Variants in TENM4 observed in about 807,000 individuals in gnomAD.
TENM4 encodes teneurin-4.
In TENM4, 82 loss-of-function variants were observed where a neutral mutation model predicts 243.3. The ratio of observed to expected loss-of-function variants is 0.34; its 90% CI spans 0.28 to 0.40. The LOEUF is 0.40. TENM4 is among the 10% of genes least tolerant of loss of function. The pLI is 1.00. For synonymous variants in TENM4, 1,412 were observed against 1,456.3 expected (o/e 0.97, Z 0.69); for missense variants, 3,138 against 3,673.3 (o/e 0.85, Z 3.77).
chr11:79,157,362 T>G (rs1420120551), intron 3 of TENM4, among the ~76,000 whole-genome samples: 2 of 152,184 alleles, frequency 1.3e-5, no homozygotes, highest in African/African-American at 2.4e-5. Flanking sequence ...TGCTGCAACG[T>G]GGAGTAAATC....
At chr11:78,837,460 T>G (rs1858143050) in intron 12 of TENM4, among the ~76,000 whole-genome samples, 1 of 152,226 alleles carries the variant, frequency 6.6e-6, no homozygotes, top group Admixed American at 6.5e-5. Context: ...GAAAACAAAC[T>G]AATACATTTT....
chr11:79,265,024 C>T (rs143765879), intron 2 of TENM4, among the ~76,000 whole-genome samples: 99 of 152,258 alleles, frequency 6.5e-4, no homozygotes, highest in South Asian at 6.0e-3. Context: ...TGCCTGTAGA[C>T]GAAGCATAAC....
chr11:78,767,138 G>A (rs531134528), intron 18 of TENM4, among the ~76,000 whole-genome samples: 4 of 152,296 alleles, frequency 2.6e-5, no homozygotes, highest in African/African-American at 9.6e-5. Flanking sequence ...ATCTACAATG[G>A]GCCATATGTC....
intron 29 of TENM4, among the ~76,000 whole-genome samples, chr11:78,677,136 T>C (rs1858498399): frequency 1.3e-5 from 2 of 152,228 alleles, no homozygotes; most frequent in Non-Finnish European, 2.9e-5. Flanking sequence ...TTATGCTATG[T>C]GAATTATACC....
chr11:79,310,363 CAGCCA>C (rs1856698730), intron 1 of TENM4, among the ~76,000 whole-genome samples: 1 of 152,144 alleles, frequency 6.6e-6, no homozygotes, highest in Non-Finnish European at 1.5e-5. Context: ...TACCAAAGGC[CAGCCA>C]AAACTCTGAT....
intron 3 of TENM4, among the ~76,000 whole-genome samples, chr11:79,212,726 C>A (rs1161541688): frequency 2.6e-5 from 4 of 152,140 alleles, no homozygotes; most frequent in Non-Finnish European, 5.9e-5. Flanking sequence ...CTGGAAACAT[C>A]CTTTTAAATC....
rs183711722 is a variant in TENM4, at chr11:79,380,764, G to A, written c.-321+59745C>T. 5.4e-4 allele frequency among the ~76,000 whole-genome samples: 82 copies of A among 152,248 alleles called. 2 individuals are homozygous for A. The East Asian group carries it at 0.012, about 23-fold the overall frequency. ...ATTTTGGGAAATGTTCATCAAATTC[G>A]TTTCATTCTTACGGAAAGGCAATAG... On this transcript the variant is annotated intron_variant, in intron 1 of 33. Transcript: ENST00000278550.
intron 6 of TENM4, among the ~76,000 whole-genome samples, chr11:78,998,834 AG>A (rs1372674646): frequency 1.3e-5 from 2 of 152,192 alleles, no homozygotes; most frequent in Non-Finnish European, 2.9e-5. Context: ...TTCTTGGCTG[AG>A]ATGTGAATGA....
At chr11:79,269,179 A>G (rs998478905) in intron 2 of TENM4, among the ~76,000 whole-genome samples, 8 of 152,234 alleles carry the variant, frequency 5.3e-5, no homozygotes, top group Admixed American at 3.9e-4. Flanking sequence ...CTGTACATGA[A>G]CATGCTGTTC....
intron 29 of TENM4, among the ~76,000 whole-genome samples, chr11:78,677,757 A>G (rs936961733): frequency 9.2e-5 from 14 of 152,038 alleles, no homozygotes; most frequent in South Asian, 2.1e-4. Context: ...TTGATTTAAA[A>G]CATTCTAACT....
At chr11:79,144,313 G>A (rs1470395040) in intron 4 of TENM4, among the ~76,000 whole-genome samples, 1 of 151,958 alleles carries the variant, frequency 6.6e-6, no homozygotes, top group African/African-American at 2.4e-5. Context: ...GAATGCTGGC[G>A]AGGAGGTGGA....
intron 6 of TENM4, chr11:79,064,462 C>A (rs1011403641): frequency 6.9e-6 from 3 of 432,180 alleles, no homozygotes; most frequent in Non-Finnish European, 8.4e-6. Context: ...GCCCTCTCTG[C>A]TCCCCTGCAC....
chr11:78,815,501 G>T lies in TENM4; in HGVS notation c.1682-1106C>A, dbSNP rs116309665. On this transcript the variant is annotated intron_variant, in intron 12 of 33. Coordinates refer to ENST00000278550, the MANE Select transcript of TENM4 (RefSeq NM_001098816.3). The stretch of plus-strand genomic sequence containing the variant: ...TCCTTTCTCTAACTCCTCCTAATAC[G>T]TTTGTTACATGCTCTGTGTGACAGG... Among the ~76,000 whole-genome samples, 940 of 152,110 alleles carry T rather than the reference G, an allele frequency of 6.2e-3. 11 individuals are homozygous for T. The highest frequency in any genetic ancestry group is 0.022 in the African/African-American group (898 of 41,448).
At chr11:79,009,999 C>G (rs1298243851) in intron 6 of TENM4, among the ~76,000 whole-genome samples, 1 of 152,130 alleles carries the variant, frequency 6.6e-6, no homozygotes, top group Non-Finnish European at 1.5e-5. Flanking sequence ...GAGAGTTCCC[C>G]TGCACATGCC....
At chr11:78,740,007 C>T (rs1249049532) in intron 19 of TENM4, among the ~76,000 whole-genome samples, 1 of 152,134 alleles carries the variant, frequency 6.6e-6, no homozygotes, top group Non-Finnish European at 1.5e-5. Flanking sequence ...GTGCAATGTC[C>T]TCAAGGATCC....
intron 2 of TENM4, among the ~76,000 whole-genome samples, chr11:79,256,880 G>T (rs533715323): frequency 1.4e-4 from 22 of 152,148 alleles, no homozygotes; most frequent in South Asian, 4.2e-4. Context: ...CCATCCATCT[G>T]GTCACTGTGC....
chr11:79,350,428 C>CT (rs71278671), intron 1 of TENM4, among the ~76,000 whole-genome samples: 21,370 of 134,420 alleles, frequency 0.16, 1,867 homozygotes, highest in Non-Finnish European at 0.2. Flanking sequence ...CCTTTCTTGG[C>CT]TTTTTTTTTT....
intron 6 of TENM4, among the ~76,000 whole-genome samples, chr11:79,042,385 A>T (rs959392492): frequency 3.9e-5 from 6 of 152,206 alleles, no homozygotes; most frequent in Admixed American, 1.3e-4. Flanking sequence ...ATGTGATGGT[A>T]TTAAGGAGGT....
intron 1 of TENM4, among the ~76,000 whole-genome samples, chr11:79,326,352 T>C (rs543098550): frequency 2.0e-5 from 3 of 152,264 alleles, no homozygotes; most frequent in Non-Finnish European, 2.9e-5. Flanking sequence ...ATTGAACCTT[T>C]GCTCACAGTG....
Sources: allele counts gnomAD v4.1 joint callset (sites outside exome capture counted in the v4.1 genomes callset), GRCh38; gene constraint gnomAD v4.1.1; transcripts MANE v1.5; gene names NCBI Gene and HGNC (gene_info 2026-07-23, HGNC 2026-07-21).